Variants in KCNB2 observed in about 807,000 individuals in gnomAD.
KCNB2 encodes the protein potassium voltage-gated channel subfamily B member 2, also known as delayed rectifier potassium channel protein.
KCNB2 carries 15 observed loss-of-function variants against 61.5 expected under a neutral mutation model. That is an observed-to-expected ratio of 0.24 (90% CI 0.16 to 0.38). The LOEUF (loss-of-function observed/expected upper bound fraction) is 0.38, where lower values mean the gene tolerates loss of function less well. KCNB2 is among the 10% of genes least tolerant of loss of function. The pLI, the probability that KCNB2 is intolerant of heterozygous loss-of-function variation, is 1.00. For missense variants in KCNB2, 828 were observed against 1,125.2 expected (o/e 0.74, Z 3.78); for synonymous variants, 457 against 446.0 (o/e 1.02, Z -0.31).
At chr8:72,804,567 A>G (rs1185997800) in intron 2 of KCNB2, among the ~76,000 whole-genome samples, 1 of 152,196 alleles carries the variant, frequency 6.6e-6, no homozygotes, top group Admixed American at 6.5e-5. Context: ...GTTTTAATCA[A>G]TGTGTTTCTT....
chr8:72,725,365 A>G (rs114950544), intron 2 of KCNB2, among the ~76,000 whole-genome samples: 2,549 of 151,828 alleles, frequency 0.017, 66 homozygotes, highest in African/African-American at 0.059. Flanking sequence ...TTGTAGTGTT[A>G]GGGCCAAGTG....
chr8:72,595,570 C>T (rs1563533599), intron 2 of KCNB2, among the ~76,000 whole-genome samples: 4 of 152,018 alleles, frequency 2.6e-5, no homozygotes, highest in Non-Finnish European at 5.9e-5. Flanking sequence ...GTGATCCGCC[C>T]ACGTCGGCCT....
intron 2 of KCNB2, among the ~76,000 whole-genome samples, chr8:72,745,551 A>G (rs1042851340): frequency 6.6e-6 from 1 of 152,226 alleles, no homozygotes; most frequent in Admixed American, 6.5e-5. Flanking sequence ...GGCAAAATCT[A>G]GGGTGATTTC....
intron 2 of KCNB2, among the ~76,000 whole-genome samples, chr8:72,926,470 C>T (rs1213009286): frequency 3.9e-5 from 6 of 151,916 alleles, no homozygotes; most frequent in Non-Finnish European, 8.8e-5. Context: ...TTCAGGGATA[C>T]ATGTGTAGGA....
At chr8:72,700,911 C>A (rs1000966121) in intron 2 of KCNB2, among the ~76,000 whole-genome samples, 1 of 152,084 alleles carries the variant, frequency 6.6e-6, no homozygotes, top group Non-Finnish European at 1.5e-5. Context: ...TAAAAAAGAA[C>A]AAAATCTCGT....
At chr8:72,601,371 G>C (rs1253047956) in intron 2 of KCNB2, among the ~76,000 whole-genome samples, 1 of 152,138 alleles carries the variant, frequency 6.6e-6, no homozygotes, top group African/African-American at 2.4e-5. Flanking sequence ...GTCATTAGAT[G>C]TTCATCTATT....
At chr8:72,590,472 T>C (rs1006079649) in intron 2 of KCNB2, among the ~76,000 whole-genome samples, 1 of 152,166 alleles carries the variant, frequency 6.6e-6, no homozygotes. Context: ...TTCACCATGG[T>C]AACCAGCATA....
At chr8:72,748,281 G>A (rs927363703) in intron 2 of KCNB2, among the ~76,000 whole-genome samples, 7 of 152,032 alleles carry the variant, frequency 4.6e-5, no homozygotes, top group Non-Finnish European at 8.8e-5. Flanking sequence ...TCCTTCTGAA[G>A]ACACTTACTG....
rs1226298553 is a variant in KCNB2 at position 72,937,453 on chromosome 8, C to T, written c.2098C>T (p.Pro700Ser). Reference protein sequence around the residue: ...PLQSDNATDSPKSSLKGSNPL... With the variant: ...PLQSDNATDSSKSSLKGSNPL... ...GCAGTCTGACAATGCCACCGACAGT[C>T]CTAAGAGCTCTCTAAAAGGCAGCAA... The change falls in exon 3 of 3, where the codon CCT becomes TCT. Residue 700 changes from proline (P) to serine (S), a missense_variant. Pro to Ser is a moderately conservative substitution (Grantham distance 74). Around this residue, in one of 4 missense-constraint regions of KCNB2, gnomAD observed 559 missense variants for 588.4 expected, o/e 0.95. Transcript: ENST00000523207. 6.2e-6 allele frequency: 10 copies of T among 1,613,848 alleles called. No homozygotes were observed. In the African/African-American group the frequency reaches 1.1e-4, roughly 17 times the overall value.
intron 2 of KCNB2, among the ~76,000 whole-genome samples, chr8:72,917,254 A>G (rs1806418414): frequency 6.6e-6 from 1 of 152,248 alleles, no homozygotes; most frequent in Non-Finnish European, 1.5e-5. Context: ...TGTACAGCAA[A>G]GAGAAACAAG....
intron 2 of KCNB2, among the ~76,000 whole-genome samples, chr8:72,828,107 C>G (rs1483198523): frequency 6.6e-6 from 1 of 152,212 alleles, no homozygotes; most frequent in Non-Finnish European, 1.5e-5. Flanking sequence ...GCCACCACAA[C>G]TGGCCTATAA....
At chr8:72,892,391 C>A (rs1363080063) in intron 2 of KCNB2, among the ~76,000 whole-genome samples, 1 of 152,088 alleles carries the variant, frequency 6.6e-6, no homozygotes, top group Non-Finnish European at 1.5e-5. Flanking sequence ...CACAGAAAGT[C>A]AAAAATGACC....
intron 2 of KCNB2, among the ~76,000 whole-genome samples, chr8:72,914,754 T>G (rs1806360745): frequency 1.3e-5 from 2 of 152,194 alleles, no homozygotes; most frequent in East Asian, 3.8e-4. Context: ...TAAAAATAAA[T>G]TCATGAATAT....
At chr8:72,841,445 A>G (rs1193774741) in intron 2 of KCNB2, among the ~76,000 whole-genome samples, 2 of 136,354 alleles carry the variant, frequency 1.5e-5, no homozygotes, top group Non-Finnish European at 3.0e-5. Flanking sequence ...TGAAATTTAA[A>G]GCAGTTTTTT....
intron 2 of KCNB2, among the ~76,000 whole-genome samples, chr8:72,726,047 G>GT (rs1807644731): frequency 6.6e-6 from 1 of 152,118 alleles, no homozygotes; most frequent in Non-Finnish European, 1.5e-5. Flanking sequence ...AGTGAACTGC[G>GT]TCCCCCTGCA....
At chr8:72,851,845 A>AAAAAAAAAAAAAAC (rs1563404693) in intron 2 of KCNB2, among the ~76,000 whole-genome samples, 2 of 148,030 alleles carry the variant, frequency 1.4e-5, no homozygotes, top group African/African-American at 5.1e-5. Context: ...AAAAAAAAAA[A>AAAAAAAAAAAAAAC]AAACACGTAC....
chr8:72,829,339 T>C (rs1809650617), intron 2 of KCNB2, among the ~76,000 whole-genome samples: 1 of 152,192 alleles, frequency 6.6e-6, no homozygotes, highest in African/African-American at 2.4e-5. Context: ...GAAACTACTT[T>C]ATCAGTAAAT....
intron 2 of KCNB2, among the ~76,000 whole-genome samples, chr8:72,835,856 A>C (rs1809772624): frequency 6.6e-6 from 1 of 152,196 alleles, no homozygotes; most frequent in Non-Finnish European, 1.5e-5. Flanking sequence ...TACATTCAAC[A>C]GGTGCTGCGC....
intron 2 of KCNB2, among the ~76,000 whole-genome samples, chr8:72,672,989 T>C (rs1399485691): frequency 1.3e-5 from 2 of 152,148 alleles, no homozygotes; most frequent in Non-Finnish European, 2.9e-5. Context: ...TATATGATGG[T>C]TTCTTAAAGA....
Sources: gnomAD v4.1 joint callset for allele counts (sites outside exome capture counted in the v4.1 genomes callset) on GRCh38, gnomAD v4.1.1 for gene constraint, gnomAD v4.1.1 regional missense constraint, MANE v1.5 for transcripts, NCBI Gene and HGNC (gene_info 2026-07-23, HGNC 2026-07-21) for gene names.